The following COBL variants were observed in gnomAD, a reference collection of about 807,000 sequenced individuals.
The protein encoded by COBL is cordon-bleu WH2 repeat protein.
Under a neutral mutation model 98.8 loss-of-function variants are expected in COBL, and 51 were observed. That is an observed-to-expected ratio of 0.52 (90% CI 0.41 to 0.65). The LOEUF is 0.65. Ranked by LOEUF, COBL falls within the 30% of genes least tolerant of loss-of-function variation. COBL has a pLI of 0.00. For synonymous variants in COBL, 634 were observed against 651.7 expected, an observed-to-expected ratio of 0.97 and a Z score of 0.41; for missense variants, 1,617 against 1,617.5, an observed-to-expected ratio of 1.00 and a Z score of 0.01.
chr7:51,274,018 G>A (rs1799043515), intron 1 of COBL, among the ~76,000 whole-genome samples: 1 of 152,076 alleles, frequency 6.6e-6, no homozygotes, highest in South Asian at 2.1e-4. Context: ...TCCCTTCCCT[G>A]TAATGCTCTC....
At chr7:51,191,312 C>T (rs777009023) in intron 3 of COBL, among the ~76,000 whole-genome samples, 2 of 151,946 alleles carry the variant, frequency 1.3e-5, no homozygotes, top group East Asian at 1.9e-4. Flanking sequence ...AACAACACAG[C>T]GAAATAAACA....
chr7:51,192,629 T>C (rs1291662104), intron 3 of COBL, among the ~76,000 whole-genome samples: 1 of 151,878 alleles, frequency 6.6e-6, no homozygotes, highest in Non-Finnish European at 1.5e-5. Flanking sequence ...ACAAAAACAA[T>C]AAAAGTATAT....
At chr7:51,242,395 T>C (rs571034895) in intron 1 of COBL, among the ~76,000 whole-genome samples, 5 of 152,220 alleles carry the variant, frequency 3.3e-5, no homozygotes, top group Admixed American at 6.5e-5. Flanking sequence ...TCTGCTTTCA[T>C]TGCTTCATTC....
chr7:51,265,985 A>G (rs910388174), intron 1 of COBL, among the ~76,000 whole-genome samples: 3 of 152,174 alleles, frequency 2.0e-5, no homozygotes, highest in Non-Finnish European at 2.9e-5. Flanking sequence ...TCAATTCACA[A>G]TTCCTTTCAC....
At chr7:51,246,022 A>G (rs1796245856) in intron 1 of COBL, among the ~76,000 whole-genome samples, 1 of 152,224 alleles carries the variant, frequency 6.6e-6, no homozygotes, top group East Asian at 1.9e-4. Flanking sequence ...ATATCTATGA[A>G]TTATACCATG....
chr7:51,116,734 G>A (rs538507531), intron 6 of COBL, among the ~76,000 whole-genome samples: 1 of 152,086 alleles, frequency 6.6e-6, no homozygotes, highest in South Asian at 2.1e-4. Flanking sequence ...TCTGTTAAGT[G>A]TTTCTTTTAT....
At chr7:51,069,048 T>G (rs1475084906) in intron 7 of COBL, among the ~76,000 whole-genome samples, 1 of 152,054 alleles carries the variant, frequency 6.6e-6, no homozygotes, top group Non-Finnish European at 1.5e-5. Context: ...AATATGACAA[T>G]GACAATGTAA....
At chr7:51,077,975 C>G (rs768828443) in intron 7 of COBL, among the ~76,000 whole-genome samples, 2 of 152,176 alleles carry the variant, frequency 1.3e-5, no homozygotes, top group African/African-American at 4.8e-5. Flanking sequence ...CATCACACAT[C>G]CTACATGCTC....
chr7:51,117,292 AT>A (rs1335588355), intron 6 of COBL, among the ~76,000 whole-genome samples: 2 of 151,862 alleles, frequency 1.3e-5, no homozygotes, highest in Non-Finnish European at 2.9e-5. Flanking sequence ...TTTTTCAAAT[AT>A]TTTTTTCTCT....
chr7:51,207,741 G>A (rs1791898435), intron 2 of COBL, among the ~76,000 whole-genome samples: 1 of 152,272 alleles, frequency 6.6e-6, no homozygotes, highest in Admixed American at 6.5e-5. Context: ...GCTCAATGGT[G>A]CCCAGGCTGG....
chr7:51,057,629 C>T (rs1790896251), intron 7 of COBL, among the ~76,000 whole-genome samples: 1 of 152,136 alleles, frequency 6.6e-6, no homozygotes, highest in Non-Finnish European at 1.5e-5. Context: ...TATCCAAAGT[C>T]AACAGACTAC....
At chr7:51,078,514 C>A (rs1390389839) in intron 7 of COBL, among the ~76,000 whole-genome samples, 2 of 152,162 alleles carry the variant, frequency 1.3e-5, no homozygotes, top group African/African-American at 4.8e-5. Flanking sequence ...ATAAGACATT[C>A]CCTAACTGTT....
intron 6 of COBL, among the ~76,000 whole-genome samples, chr7:51,129,174 A>G (rs1798506673): frequency 1.3e-5 from 2 of 152,058 alleles, no homozygotes; most frequent in African/African-American, 4.8e-5. Context: ...AATACCATAG[A>G]TTGGGAGGCT....
chr7:51,025,258 G>GGGGGGGGGTGGGGGGGGC lies in COBL; in HGVS notation c.3618_3619insGCCCCCCCCACCCCCCCC (p.Ile1206_Pro1207insAlaProProThrProPro). 1 of 725,724 alleles carries GGGGGGGGGTGGGGGGGGC rather than the reference G, an allele frequency of 1.4e-6. No homozygotes were observed. Among genetic ancestry groups the GGGGGGGGGTGGGGGGGGC allele is most frequent in the Non-Finnish European group, 2.4e-6 (1 of 411,538 alleles). The allele number at this position is 725,724 out of a possible 1,614,324, so 45.0% of individuals were successfully genotyped here. On this transcript the variant is annotated inframe_insertion, in exon 12 of 13. Transcript: ENST00000265136. ...TGGGAGGGTGGAGGGGGTGGTGGGG[G>GGGGGGGGGTGGGGGGGGC]AATGGCTGGTGGGGACAGAAGACCA...
At chr7:51,227,533 G>A (rs1173199929) in intron 1 of COBL, among the ~76,000 whole-genome samples, 1 of 152,148 alleles carries the variant, frequency 6.6e-6, no homozygotes, top group Non-Finnish European at 1.5e-5. Context: ...CACCAGCCAG[G>A]AGCACCTGCT....
At chr7:51,249,117 A>C (rs1286739317) in intron 1 of COBL, among the ~76,000 whole-genome samples, 1 of 152,154 alleles carries the variant, frequency 6.6e-6, no homozygotes, top group East Asian at 1.9e-4. Flanking sequence ...CCATTTGTGA[A>C]TCTCTTGTCT....
chr7:51,065,421 T>C (rs923323467), intron 7 of COBL: 2 of 702,322 alleles, frequency 2.8e-6, no homozygotes, highest in African/African-American at 3.5e-5. Context: ...AGCTCAGAAG[T>C]CTTATCACAG....
At chr7:51,155,980 T>C (rs893997930) in intron 5 of COBL, among the ~76,000 whole-genome samples, 10 of 152,198 alleles carry the variant, frequency 6.6e-5, no homozygotes, top group African/African-American at 1.9e-4. Context: ...CTGGGAATCA[T>C]AGTTTCTCCA....
chr7:51,290,558 G>C (rs1480061768), intron 1 of COBL, among the ~76,000 whole-genome samples: 1 of 152,138 alleles, frequency 6.6e-6, no homozygotes, highest in Non-Finnish European at 1.5e-5. Flanking sequence ...AAGGGTGCGT[G>C]AAAGATGTGT....
Sources: gnomAD v4.1 joint callset for allele counts (sites outside exome capture counted in the v4.1 genomes callset) on GRCh38, gnomAD v4.1.1 for gene constraint, MANE v1.5 for transcripts, NCBI Gene and HGNC (gene_info 2026-07-23, HGNC 2026-07-21) for gene names.